The following CDH12 variants were observed in gnomAD, a reference collection of about 807,000 sequenced individuals.
CDH12 encodes the protein cadherin 12.
In CDH12, 41 loss-of-function variants were observed where a neutral mutation model predicts 74.1. That is an observed-to-expected ratio of 0.55 (90% CI 0.43 to 0.72). The LOEUF is 0.72. Ranked by LOEUF, CDH12 falls within the 30% of genes least tolerant of loss-of-function variation. The pLI, the probability that CDH12 is intolerant of heterozygous loss-of-function variation, is 0.00. For synonymous variants in CDH12, 399 were observed against 355.0 expected, an observed-to-expected ratio of 1.12 and a Z score of -1.39; for missense variants, 945 against 977.2, an observed-to-expected ratio of 0.97 and a Z score of 0.44.
At chr5:21,909,403 A>G (rs1195020352) in intron 6 of CDH12, among the ~76,000 whole-genome samples, 5 of 152,288 alleles carry the variant, frequency 3.3e-5, no homozygotes, top group African/African-American at 1.2e-4. Context: ...AACTATCTCC[A>G]AGAAAACAGA....
At chr5:21,958,953 C>T (rs1296489673) in intron 6 of CDH12, among the ~76,000 whole-genome samples, 2 of 151,980 alleles carry the variant, frequency 1.3e-5, no homozygotes, top group African/African-American at 4.8e-5. Flanking sequence ...TGTTTGTATC[C>T]TCTCTGATTT....
intron 2 of CDH12, among the ~76,000 whole-genome samples, chr5:22,460,542 A>G (rs1745456089): frequency 6.6e-6 from 1 of 152,158 alleles, no homozygotes; most frequent in African/African-American, 2.4e-5. Context: ...TAATAACTGC[A>G]AATAAAAACG....
At chr5:22,592,427 G>T (rs887338777) in intron 1 of CDH12, among the ~76,000 whole-genome samples, 1 of 152,126 alleles carries the variant, frequency 6.6e-6, no homozygotes, top group Non-Finnish European at 1.5e-5. Context: ...ACCCAAGGTT[G>T]CCATCTTCTC....
chr5:22,560,970 C>CA (rs1361388353), intron 1 of CDH12, among the ~76,000 whole-genome samples: 2 of 151,918 alleles, frequency 1.3e-5, no homozygotes, highest in Non-Finnish European at 2.9e-5. Context: ...CAGAAAGAGA[C>CA]AAAAAAGGTG....
chr5:22,460,726 T>TTTTTTTTTTTTTTTTTTTTG (rs1745471194), intron 2 of CDH12, among the ~76,000 whole-genome samples: 1 of 144,958 alleles, frequency 6.9e-6, no homozygotes, highest in Admixed American at 7.1e-5. Flanking sequence ...TTTTTTTTTT[T>TTTTTTTTTTTTTTTTTTTTG]TTTTTTTTTT....
chr5:22,465,941 T>C (rs1745711105), intron 2 of CDH12, among the ~76,000 whole-genome samples: 2 of 152,168 alleles, frequency 1.3e-5, no homozygotes, highest in African/African-American at 4.8e-5. Flanking sequence ...GATTAATGTG[T>C]TCTCTTACTC....
At chr5:22,796,949 C>G (rs1272867706) in intron 1 of CDH12, among the ~76,000 whole-genome samples, 1 of 152,042 alleles carries the variant, frequency 6.6e-6, no homozygotes, top group African/African-American at 2.4e-5. Flanking sequence ...GACTCTGTGT[C>G]TAATCTCACA....
At chr5:22,522,288 A>T (rs1237183088) in intron 1 of CDH12, among the ~76,000 whole-genome samples, 1 of 152,224 alleles carries the variant, frequency 6.6e-6, no homozygotes, top group Non-Finnish European at 1.5e-5. Flanking sequence ...CATCATGAAC[A>T]TATAAACTGA....
intron 11 of CDH12, among the ~76,000 whole-genome samples, chr5:21,780,458 G>T (rs1745843670): frequency 6.6e-6 from 1 of 152,128 alleles, no homozygotes; most frequent in Admixed American, 6.6e-5. Flanking sequence ...AAAGAGACCT[G>T]CCACAGCTAC....
intron 6 of CDH12, among the ~76,000 whole-genome samples, chr5:21,919,298 G>C (rs986999142): frequency 6.6e-6 from 1 of 152,000 alleles, no homozygotes; most frequent in Non-Finnish European, 1.5e-5. Flanking sequence ...AGAAATATTT[G>C]ATCAAATTTA....
chr5:22,521,152 A>G (rs954578514), intron 1 of CDH12, among the ~76,000 whole-genome samples: 2 of 152,052 alleles, frequency 1.3e-5, no homozygotes, highest in Non-Finnish European at 2.9e-5. Flanking sequence ...AGTGTTGTGT[A>G]TCTTATCAGT....
chr5:22,298,100 T>A (rs1320873724), intron 3 of CDH12, among the ~76,000 whole-genome samples: 1 of 150,806 alleles, frequency 6.6e-6, no homozygotes, highest in African/African-American at 2.4e-5. Flanking sequence ...TGCTGATGCC[T>A]AATGGAGAAA....
At chr5:22,279,483 G>A (rs1985922) in intron 3 of CDH12, among the ~76,000 whole-genome samples, 51,806 of 151,822 alleles carry the variant, frequency 0.34, 9,300 homozygotes, top group East Asian at 0.48. Context: ...CCATTAACTC[G>A]TCATTTACAT....
intron 3 of CDH12, among the ~76,000 whole-genome samples, chr5:22,390,616 AGATAGAT>A (rs1348551764): frequency 6.8e-6 from 1 of 147,696 alleles, no homozygotes; most frequent in Non-Finnish European, 1.5e-5. Context: ...ATAGATAGAT[AGATAGAT>A]GATAGAATAT....
intron 1 of CDH12, among the ~76,000 whole-genome samples, chr5:22,713,027 A>T (rs1358419557): frequency 6.6e-6 from 1 of 152,096 alleles, no homozygotes; most frequent in African/African-American, 2.4e-5. Context: ...AACTGGGCAA[A>T]CTTGGCATAC....
chr5:22,627,481 T>G (rs1488338739), intron 1 of CDH12, among the ~76,000 whole-genome samples: 2 of 150,924 alleles, frequency 1.3e-5, no homozygotes, highest in East Asian at 3.9e-4. Context: ...AAGGATTTCA[T>G]ATCCAGCCAA....
chr5:21,887,632 C>G (rs989123304), intron 6 of CDH12, among the ~76,000 whole-genome samples: 3 of 152,136 alleles, frequency 2.0e-5, no homozygotes, highest in African/African-American at 7.2e-5. Flanking sequence ...GAACATACCC[C>G]CTTCTTCAAC....
intron 2 of CDH12, among the ~76,000 whole-genome samples, chr5:22,458,546 T>C (rs1353376950): frequency 1.3e-5 from 2 of 152,200 alleles, no homozygotes; most frequent in South Asian, 2.1e-4. Context: ...GAATGTACCA[T>C]ACATTTTAGC....
chr5:22,306,135 C>T (rs534291197), intron 3 of CDH12, among the ~76,000 whole-genome samples: 53 of 152,104 alleles, frequency 3.5e-4, no homozygotes, highest in Non-Finnish European at 5.4e-4. Flanking sequence ...TTTTCTTTTG[C>T]CCCCCTCTAC....
Sources: gnomAD v4.1 joint callset for allele counts (sites outside exome capture counted in the v4.1 genomes callset) on GRCh38, gnomAD v4.1.1 for gene constraint, MANE v1.5 for transcripts, NCBI Gene and HGNC (gene_info 2026-07-23, HGNC 2026-07-21) for gene names.